PSD3: variants seen among roughly 807,000 people sequenced by gnomAD.
The protein encoded by PSD3 is PH and SEC7 domain-containing protein 3.
In PSD3, 49 loss-of-function variants were observed where a neutral mutation model predicts 105.5. The observed-to-expected ratio is 0.46, with a 90% confidence interval of 0.37 to 0.59. The LOEUF (loss-of-function observed/expected upper bound fraction) is 0.59. Among genes scored for constraint, PSD3 ranks in the 20% least tolerant of loss-of-function variants. The pLI is 0.00. For synonymous variants in PSD3, 557 were observed against 457.8 expected (o/e 1.22, Z -2.77); for missense variants, 1,561 against 1,263.8 (o/e 1.24, Z -3.57).
chr8:18,658,074 A>G (rs934958261), intron 9 of PSD3, among the ~76,000 whole-genome samples: 1 of 152,220 alleles, frequency 6.6e-6, no homozygotes, highest in Admixed American at 6.5e-5. Flanking sequence ...TCTATTATAA[A>G]TCATCTTGCC....
chr8:18,671,759 A>G lies in PSD3; in HGVS notation c.2173-16074T>C, dbSNP rs576150151. Among the ~76,000 whole-genome samples the G allele has an allele frequency of 8.6e-5, 13 of 151,890 alleles. No individual in the cohort carries two copies. The Middle Eastern group carries it at 0.014, about 159-fold the overall frequency. On this transcript the variant is annotated intron_variant, in intron 9 of 15. Coordinates refer to ENST00000327040, the MANE Select transcript of PSD3 (RefSeq NM_015310.4). ...CCATTCTCCTGCCTCAGCCTCCCGA[A>G]TAGCTGGGACTATAGGTGCCCGCCA...
intron 12 of PSD3, among the ~76,000 whole-genome samples, chr8:18,589,844 G>A (rs1803466313): frequency 6.6e-6 from 1 of 152,258 alleles, no homozygotes; most frequent in South Asian, 2.1e-4. Flanking sequence ...TGCCCAAAAG[G>A]TTGATTTAAG....
intron 9 of PSD3, among the ~76,000 whole-genome samples, chr8:18,742,843 TA>T (rs1246922757): frequency 6.6e-6 from 1 of 152,214 alleles, no homozygotes; most frequent in African/African-American, 2.4e-5. Flanking sequence ...AGGTTATCCA[TA>T]ACCTTTCACA....
intron 1 of PSD3, among the ~76,000 whole-genome samples, chr8:19,076,284 A>G (rs1033169420): frequency 1.3e-5 from 2 of 152,242 alleles, no homozygotes; most frequent in African/African-American, 4.8e-5. Context: ...AGCACAGAGT[A>G]GAGCTGGATC....
At chr8:19,059,391 C>T (rs193034035) in intron 1 of PSD3, among the ~76,000 whole-genome samples, 3 of 152,292 alleles carry the variant, frequency 2.0e-5, no homozygotes, top group African/African-American at 7.2e-5. Context: ...AAAAGGAGAG[C>T]TCATGAGAAG....
chr8:18,764,398 A>G (rs893721543), intron 9 of PSD3, among the ~76,000 whole-genome samples: 1 of 152,190 alleles, frequency 6.6e-6, no homozygotes, highest in African/African-American at 2.4e-5. Flanking sequence ...CAAAGGACCT[A>G]AAGAAAATGC....
chr8:18,844,720 T>C (rs1429103409), intron 4 of PSD3, among the ~76,000 whole-genome samples: 1 of 152,208 alleles, frequency 6.6e-6, no homozygotes, highest in Non-Finnish European at 1.5e-5. Context: ...AAAAGTTAGT[T>C]AGAAGCACAA....
intron 12 of PSD3, among the ~76,000 whole-genome samples, chr8:18,592,994 A>G (rs4921936): frequency 0.41 from 63,083 of 152,024 alleles, 13,172 homozygotes; most frequent in South Asian, 0.57. Context: ...AAAGACTTAC[A>G]TGTTAGACCT....
intron 8 of PSD3, among the ~76,000 whole-genome samples, chr8:18,771,781 G>C (rs751754878): frequency 6.6e-6 from 1 of 152,202 alleles, no homozygotes; most frequent in Non-Finnish European, 1.5e-5. Context: ...TAAGCATTCA[G>C]TTCAGTACTG....
At chr8:18,654,281 C>T (rs575860254) in intron 10 of PSD3, among the ~76,000 whole-genome samples, 5 of 152,300 alleles carry the variant, frequency 3.3e-5, no homozygotes, top group Admixed American at 1.3e-4. Flanking sequence ...ATGTAATACA[C>T]AGTCAACTAT....
intron 1 of PSD3, among the ~76,000 whole-genome samples, chr8:19,075,256 C>T (rs774889046): frequency 1.3e-5 from 2 of 152,224 alleles, no homozygotes; most frequent in African/African-American, 2.4e-5. Context: ...CCATTAATTA[C>T]GAATTTTTAA....
intron 10 of PSD3, among the ~76,000 whole-genome samples, chr8:18,650,519 A>G (rs1563422084): frequency 6.6e-6 from 1 of 152,210 alleles, no homozygotes; most frequent in Non-Finnish European, 1.5e-5. Context: ...GAGACCTTCC[A>G]CAAGTCAATT....
rs193109479 is a variant in PSD3, at chr8:18,769,324, T to G, written c.2083-3786A>C. On this transcript the variant is annotated intron_variant, in intron 8 of 15. Coordinates refer to ENST00000327040, the MANE Select transcript of PSD3 (RefSeq NM_015310.4). Reference sequence around the variant, plus strand: ...ATGTGATCTGCAAAATTCAACTGCTTGTAACATTATCTGCTTTAAATAAAT... The same window carrying G: ...ATGTGATCTGCAAAATTCAACTGCTGGTAACATTATCTGCTTTAAATAAAT... 1.2e-4 allele frequency among the ~76,000 whole-genome samples: 19 copies of G among 152,326 alleles called. 1 individual carries two copies. In the East Asian group the frequency reaches 3.1e-3, roughly 25 times the overall value.
chr8:18,550,685 A>G (rs1438061290), intron 15 of PSD3, among the ~76,000 whole-genome samples: 1 of 152,216 alleles, frequency 6.6e-6, no homozygotes, highest in African/African-American at 2.4e-5. Context: ...CTCACGTAAT[A>G]TACTAAAAAC....
At chr8:18,668,515 T>C (rs1799609696) in intron 9 of PSD3, among the ~76,000 whole-genome samples, 1 of 152,186 alleles carries the variant, frequency 6.6e-6, no homozygotes, top group Non-Finnish European at 1.5e-5. Flanking sequence ...AGAGAGGTAG[T>C]ATTATTCCCA....
rs1186516543 is a variant in PSD3, at chr8:18,868,139, AT to A, written c.1239-71del. On this transcript the variant is annotated intron_variant, in intron 3 of 15. Coordinates refer to ENST00000327040, the MANE Select transcript of PSD3 (RefSeq NM_015310.4). ...TCTTTATTTCTCCCACTTCAACCAT[AT>A]AAAAAGGACAACATTCTGAAGATCT... The A allele has an allele frequency of 6.2e-6, 9 of 1,449,484 alleles. No homozygotes were observed. The African/African-American group carries it at 1.1e-4, about 18-fold the overall frequency. The allele number at this position is 1,449,484 out of a possible 1,614,324, so 89.8% of individuals were successfully genotyped here. A position where few individuals can be genotyped will look rare whatever the true frequency, so the allele number is the denominator to read the frequency against.
At chr8:18,713,236 G>A (rs1189984189) in intron 9 of PSD3, among the ~76,000 whole-genome samples, 2 of 152,140 alleles carry the variant, frequency 1.3e-5, no homozygotes, top group Admixed American at 1.3e-4. Context: ...AGACAAGGAT[G>A]CCCTCTTTCA....
intron 2 of PSD3, among the ~76,000 whole-genome samples, chr8:18,917,082 C>T (rs768083159): frequency 4.6e-5 from 7 of 152,282 alleles, no homozygotes; most frequent in Non-Finnish European, 1.0e-4. Context: ...TCCCTCCCAT[C>T]CACCCAGCTG....
chr8:18,588,288 A>C (rs1399778988), intron 12 of PSD3, among the ~76,000 whole-genome samples: 3 of 152,214 alleles, frequency 2.0e-5, no homozygotes, highest in African/African-American at 4.8e-5. Context: ...CCACACAATC[A>C]GGTAGATATA....
Sources: allele counts gnomAD v4.1 joint callset (sites outside exome capture counted in the v4.1 genomes callset), GRCh38; gene constraint gnomAD v4.1.1; transcripts MANE v1.5; gene names NCBI Gene and HGNC (gene_info 2026-07-23, HGNC 2026-07-21).